Variants in PRKCB observed in about 807,000 individuals in gnomAD.
PRKCB encodes protein kinase C beta type.
A neutral mutation model predicts 81.5 loss-of-function variants in PRKCB; 13 were observed. The ratio of observed to expected loss-of-function variants is 0.16; its 90% CI spans 0.10 to 0.25. The LOEUF (loss-of-function observed/expected upper bound fraction) is 0.25. Ranked by LOEUF, PRKCB falls within the 10% of genes least tolerant of loss-of-function variation. The probability of loss-of-function intolerance (pLI) is 1.00; values close to 1 mark genes in which losing one functional copy is unlikely to be tolerated. For missense variants in PRKCB, 509 were observed against 875.7 expected, an observed-to-expected ratio of 0.58 and a Z score of 5.29; for synonymous variants, 335 against 321.4, an observed-to-expected ratio of 1.04 and a Z score of -0.45.
intron 2 of PRKCB, among the ~76,000 whole-genome samples, chr16:23,962,731 T>A (rs1441615527): frequency 6.6e-6 from 1 of 151,228 alleles, no homozygotes; most frequent in East Asian, 1.9e-4. Flanking sequence ...AACAAACCAG[T>A]CTTTGTTTTT....
intron 7 of PRKCB, among the ~76,000 whole-genome samples, chr16:24,109,135 G>T (rs1460844574): frequency 0.013 from 1,698 of 135,188 alleles, no homozygotes; most frequent in Non-Finnish European, 0.018. Context: ...CCTCCCGGAC[G>T]GGGCGGCTGG....
intron 12 of PRKCB, among the ~76,000 whole-genome samples, chr16:24,178,925 G>C (rs1255705818): frequency 6.6e-6 from 1 of 152,206 alleles, no homozygotes; most frequent in Non-Finnish European, 1.5e-5. Context: ...TCCAGGTGCA[G>C]ATCTGACTTT....
chr16:23,924,393 G>A (rs1046836895), intron 2 of PRKCB, among the ~76,000 whole-genome samples: 3 of 151,904 alleles, frequency 2.0e-5, no homozygotes, highest in Non-Finnish European at 4.4e-5. Context: ...CGACTAATAC[G>A]CATGGCCATG....
chr16:24,070,978 T>C (rs1240403756), intron 5 of PRKCB, among the ~76,000 whole-genome samples: 1 of 152,104 alleles, frequency 6.6e-6, no homozygotes, highest in African/African-American at 2.4e-5. Context: ...GCCTTATAGA[T>C]CTAACTAGAA....
chr16:24,029,561 A>G (rs1177560874), intron 3 of PRKCB, among the ~76,000 whole-genome samples: 1 of 151,328 alleles, frequency 6.6e-6, no homozygotes, highest in Non-Finnish European at 1.5e-5. Flanking sequence ...AAATTACCCA[A>G]TCTCAGGCAG....
chr16:24,173,628 A>G (rs1174577134), intron 11 of PRKCB, among the ~76,000 whole-genome samples: 2 of 152,200 alleles, frequency 1.3e-5, no homozygotes, highest in Non-Finnish European at 1.5e-5. Context: ...ATTGTCACAC[A>G]AGACATGTCA....
intron 9 of PRKCB, among the ~76,000 whole-genome samples, chr16:24,124,993 A>G (rs1259580866): frequency 6.6e-6 from 1 of 152,260 alleles, no homozygotes; most frequent in Admixed American, 6.5e-5. Flanking sequence ...GGATAACTGC[A>G]GAAACTCCTC....
At chr16:23,886,087 G>T (rs1963194252) in intron 2 of PRKCB, among the ~76,000 whole-genome samples, 1 of 152,124 alleles carries the variant, frequency 6.6e-6, no homozygotes, top group African/African-American at 2.4e-5. Context: ...TAGAAACTGA[G>T]GTCCTAAGAG....
At chr16:23,976,502 AGC>A (rs1964628469) in intron 2 of PRKCB, among the ~76,000 whole-genome samples, 1 of 152,134 alleles carries the variant, frequency 6.6e-6, no homozygotes, top group Admixed American at 6.5e-5. Context: ...CCACCCTTAG[AGC>A]CAGAGGATGA....
chr16:24,202,141 C>A (rs1002467013), intron 16 of PRKCB, among the ~76,000 whole-genome samples: 2 of 152,124 alleles, frequency 1.3e-5, no homozygotes, highest in Non-Finnish European at 2.9e-5. Context: ...CTGACTCTAT[C>A]CTGGCCTTCT....
At chr16:23,952,824 T>G (rs554192137) in intron 2 of PRKCB, among the ~76,000 whole-genome samples, 2 of 152,322 alleles carry the variant, frequency 1.3e-5, no homozygotes, top group South Asian at 2.1e-4. Context: ...GCCATGGAAA[T>G]GCACTGTACA....
At chr16:24,021,231 T>C (rs139444264) in intron 3 of PRKCB, among the ~76,000 whole-genome samples, 239 of 13,498 alleles carry the variant, frequency 0.018, 10 homozygotes, top group African/African-American at 0.046. Context: ...TCTTTCTTTC[T>C]TTCCTTCCTT....
chr16:23,950,030 C>T (rs556558249), intron 2 of PRKCB, among the ~76,000 whole-genome samples: 2 of 152,234 alleles, frequency 1.3e-5, no homozygotes, highest in East Asian at 3.9e-4. Context: ...TTGCTGCTGC[C>T]CATGCTAACC....
chr16:23,836,329 C>A lies in PRKCB; in HGVS notation c.154C>A (p.His52Asn). The change falls in exon 1 of 17, where the codon CAC (histidine) becomes AAC (asparagine). Residue 52 changes from histidine (H) to asparagine (N), a missense_variant. By Grantham distance (68) the His-to-Asn change is moderately conservative. Transcript: ENST00000643927. ...CTTCAAGCAGCCCACCTTCTGCAGC[C>A]ACTGCACCGACTTCATCTGGTGAGC... ...RFFKQPTFCS[H>N]CTDFIWGFGK... 6.2e-7 allele frequency: 1 copy of A among 1,603,056 alleles called. No individual in the cohort carries two copies. Among genetic ancestry groups the A allele is most frequent in the Non-Finnish European group, 8.5e-7 (1 of 1,175,378 alleles).
At chr16:23,867,212 G>C (rs1055433842) in intron 2 of PRKCB, among the ~76,000 whole-genome samples, 1 of 151,690 alleles carries the variant, frequency 6.6e-6, no homozygotes, top group Non-Finnish European at 1.5e-5. Context: ...TGCAACCTCC[G>C]CCTCCCAGGT....
intron 3 of PRKCB, among the ~76,000 whole-genome samples, chr16:24,006,898 A>G (rs16951824): frequency 0.015 from 2,322 of 152,304 alleles, 56 homozygotes; most frequent in African/African-American, 0.053. Context: ...GTTTGCTACA[A>G]TTTCTAAATG....
intron 3 of PRKCB, among the ~76,000 whole-genome samples, chr16:23,995,116 T>A (rs1964937479): frequency 6.6e-6 from 1 of 152,192 alleles, no homozygotes. Flanking sequence ...AAGATACCCC[T>A]TTTAACGTGA....
chr16:24,174,930 G>A (rs556639415), intron 12 of PRKCB: 201 of 221,444 alleles, frequency 9.1e-4, no homozygotes, highest in Non-Finnish European at 1.0e-3. Context: ...TTGGCTGGCA[G>A]AATGTGATGG....
chr16:24,021,020 C>CTTTCTTTCTTTCTTTT (rs1965362907), intron 3 of PRKCB, among the ~76,000 whole-genome samples: 1 of 133,428 alleles, frequency 7.5e-6, no homozygotes, highest in Admixed American at 7.4e-5. Flanking sequence ...TTCTTTCTTT[C>CTTTCTTTCTTTCTTTT]TTTCTTTCTT....
Sources: allele counts gnomAD v4.1 joint callset (sites outside exome capture counted in the v4.1 genomes callset), GRCh38; gene constraint gnomAD v4.1.1; transcripts MANE v1.5; gene names NCBI Gene and HGNC (gene_info 2026-07-23, HGNC 2026-07-21).